The following SEMA3A variants were observed in gnomAD, a reference collection of about 807,000 sequenced individuals.
SEMA3A encodes the protein semaphorin-3A.
SEMA3A carries 29 observed loss-of-function variants against 97.9 expected under a neutral mutation model. That is an observed-to-expected ratio of 0.30 (90% CI 0.22 to 0.40). The LOEUF is 0.40. Among genes scored for constraint, SEMA3A ranks in the 10% least tolerant of loss-of-function variants. The probability of loss-of-function intolerance (pLI) is 1.00; values close to 1 mark genes in which losing one functional copy is unlikely to be tolerated. For missense variants in SEMA3A, 763 were observed against 951.3 expected (o/e 0.80, Z 2.60); for synonymous variants, 321 against 323.7 (o/e 0.99, Z 0.09).
chr7:84,026,356 A>G (rs942125008), intron 6 of SEMA3A, among the ~76,000 whole-genome samples: 3 of 152,090 alleles, frequency 2.0e-5, no homozygotes, highest in African/African-American at 7.2e-5. Context: ...TTCTCTACTA[A>G]TAATTTTTAG....
At chr7:84,033,211 T>G (rs898399073) in intron 6 of SEMA3A, among the ~76,000 whole-genome samples, 1 of 152,172 alleles carries the variant, frequency 6.6e-6, no homozygotes, top group Non-Finnish European at 1.5e-5. Flanking sequence ...AGACTTTTCT[T>G]GAAACCCAAA....
At chr7:84,454,681 A>G (rs572528542) in intron 1 of SEMA3A, among the ~76,000 whole-genome samples, 3 of 152,194 alleles carry the variant, frequency 2.0e-5, no homozygotes, top group African/African-American at 7.2e-5. Context: ...ATAGAAAAAC[A>G]CCCAAAATGA....
chr7:84,460,949 T>C (rs1428430368), intron 1 of SEMA3A, among the ~76,000 whole-genome samples: 4 of 152,212 alleles, frequency 2.6e-5, no homozygotes, highest in Non-Finnish European at 4.4e-5. Flanking sequence ...CAGAGAGTAT[T>C]GCCTTACATT....
At chr7:84,359,840 T>C (rs185727265) in intron 2 of SEMA3A, among the ~76,000 whole-genome samples, 238 of 152,210 alleles carry the variant, frequency 1.6e-3, no homozygotes, top group African/African-American at 5.4e-3. Flanking sequence ...TATTCAGAGA[T>C]TCAACTTCTT....
chr7:84,199,189 T>C (rs1375606902), upstream of SEMA3A, among the ~76,000 whole-genome samples: 1 of 152,208 alleles, frequency 6.6e-6, no homozygotes, highest in African/African-American at 2.4e-5. Context: ...CTAGCTGTAT[T>C]TGTCCAGAAA....
intron 1 of SEMA3A, among the ~76,000 whole-genome samples, chr7:84,456,879 TATC>T (rs1805700282): frequency 6.6e-6 from 1 of 151,920 alleles, no homozygotes; most frequent in African/African-American, 2.4e-5. Context: ...AATTTTCTTA[TATC>T]CACTATGATG....
intron 2 of SEMA3A, among the ~76,000 whole-genome samples, chr7:84,338,378 T>C (rs1465776578): frequency 6.6e-6 from 1 of 150,772 alleles, no homozygotes; most frequent in Non-Finnish European, 1.5e-5. Flanking sequence ...AAACCATAAA[T>C]TAATTAATTG....
rs144389144 is a variant in SEMA3A at position 83,995,305 on chromosome 7, C to T, written c.1452+6650G>A. Reference sequence around the variant, plus strand: ...GTCGCTCACTCTGGGAGCTGTAGACCGAAGCTGTTCCTATTTGGCCATCTT... The same window carrying T: ...GTCGCTCACTCTGGGAGCTGTAGACTGAAGCTGTTCCTATTTGGCCATCTT... On this transcript the variant is annotated intron_variant, in intron 12 of 16. Transcript: ENST00000265362. Among the ~76,000 whole-genome samples, 1,256 of 152,158 alleles carry T rather than the reference C, an allele frequency of 8.3e-3. 18 individuals are homozygous for T. Among genetic ancestry groups the T allele is most frequent in the African/African-American group, 0.029 (1,190 of 41,526 alleles).
At chr7:84,051,120 G>A in intron 5 of SEMA3A, among the ~76,000 whole-genome samples, 1 of 149,922 alleles carries the variant, frequency 6.7e-6, no homozygotes, top group East Asian at 2.0e-4. Flanking sequence ...TAGCCTTGTA[G>A]TATAGTTTGA....
intron 3 of SEMA3A, among the ~76,000 whole-genome samples, chr7:84,234,140 GC>G (rs1799180631): frequency 6.6e-6 from 1 of 151,950 alleles, no homozygotes; most frequent in African/African-American, 2.4e-5. Flanking sequence ...GTTAGTGATG[GC>G]CATTATATCA....
At chr7:84,287,821 T>C (rs1431550619) in intron 3 of SEMA3A, among the ~76,000 whole-genome samples, 2 of 152,136 alleles carry the variant, frequency 1.3e-5, no homozygotes, top group Non-Finnish European at 2.9e-5. Context: ...TTTTGTGGTT[T>C]GCATTAGAAA....
At chr7:84,050,009 C>T (rs981883277) in intron 5 of SEMA3A, among the ~76,000 whole-genome samples, 1 of 151,174 alleles carries the variant, frequency 6.6e-6, no homozygotes, top group African/African-American at 2.4e-5. Context: ...ATGATGTTTT[C>T]CAGTTTCATC....
At chr7:84,353,879 C>T in intron 2 of SEMA3A, among the ~76,000 whole-genome samples, 1 of 151,512 alleles carries the variant, frequency 6.6e-6, no homozygotes, top group Non-Finnish European at 1.5e-5. Flanking sequence ...ATTTTATCTT[C>T]TTTTTAAACT....
intron 2 of SEMA3A, among the ~76,000 whole-genome samples, chr7:84,131,168 G>T (rs1199872815): frequency 6.6e-6 from 1 of 151,964 alleles, no homozygotes; most frequent in African/African-American, 2.4e-5. Context: ...TTTTGATGTA[G>T]AAATGTTCTT....
At chr7:84,419,353 A>G (rs2116273979) in intron 1 of SEMA3A, among the ~76,000 whole-genome samples, 1 of 152,284 alleles carries the variant, frequency 6.6e-6, no homozygotes, top group East Asian at 1.9e-4. Context: ...TATATCTTAA[A>G]TGATACAGCT....
chr7:84,135,028 C>A, intron 1 of SEMA3A, 77 bp from the exon 2 acceptor site: 1 of 1,173,698 alleles, frequency 8.5e-7, no homozygotes, highest in South Asian at 1.5e-5. Context: ...ACATGGTAAC[C>A]TGACTATATT....
chr7:84,403,640 C>T (rs1014384059), intron 1 of SEMA3A, among the ~76,000 whole-genome samples: 13 of 152,126 alleles, frequency 8.5e-5, no homozygotes, highest in Non-Finnish European at 1.5e-4. Flanking sequence ...CTGGGAGGCA[C>T]CCCCAGTAGG....
At chr7:84,416,423 T>C (rs1010574955) in intron 1 of SEMA3A, among the ~76,000 whole-genome samples, 13 of 152,062 alleles carry the variant, frequency 8.5e-5, no homozygotes, top group Non-Finnish European at 1.6e-4. Flanking sequence ...CAGGTATGTG[T>C]TTATGAGCAG....
chr7:84,207,171 C>T (rs1205496739), intron 3 of SEMA3A, among the ~76,000 whole-genome samples: 1 of 152,164 alleles, frequency 6.6e-6, no homozygotes, highest in African/African-American at 2.4e-5. Flanking sequence ...TGGTGAGGCT[C>T]TTATGGCCTA....
Sources: allele counts gnomAD v4.1 joint callset (sites outside exome capture counted in the v4.1 genomes callset), GRCh38; gene constraint gnomAD v4.1.1; transcripts MANE v1.5; gene names NCBI Gene and HGNC (gene_info 2026-07-23, HGNC 2026-07-21).